HHLA1: variants seen among roughly 807,000 people sequenced by gnomAD.
The protein encoded by HHLA1 is HHLA1 neighbor of OC90.
In HHLA1, 72 loss-of-function variants were observed where a neutral mutation model predicts 69.9. That is an observed-to-expected ratio of 1.03 (90% CI 0.85 to 1.25). The LOEUF is 1.25. Among genes scored for constraint, HHLA1 ranks in the 50% most tolerant of loss-of-function variants. HHLA1 has a pLI of 0.00. For missense variants in HHLA1, 685 were observed against 642.2 expected, an observed-to-expected ratio of 1.07 and a Z score of -0.72; for synonymous variants, 252 against 233.2, an observed-to-expected ratio of 1.08 and a Z score of -0.73.
chr8:132,064,000 C>G lies in HHLA1; in HGVS notation c.1591G>C (p.Val531Leu), dbSNP rs542728390. ...CTAGTGTTATTTTCAAGGCCTCACA[C>G]AGACTTGCAGATATTCTCAAGGCAC... ...QKCLENICKS[V>L] The change falls in exon 17 of 17, where the codon GTG becomes CTG. Residue 531 changes from valine (V) to leucine (L), a missense_variant. Physicochemically the swap from Val to Leu is conservative, Grantham distance 32. Transcript: ENST00000414222. The G allele has an allele frequency of 1.5e-5, 20 of 1,301,902 alleles. No homozygotes were observed. The South Asian group carries it at 2.4e-4, about 15-fold the overall frequency. The allele number at this position is 1,301,902 out of a possible 1,614,324, so 80.6% of individuals were successfully genotyped here.
At chr8:132,078,134 T>C (rs1013246132) in intron 11 of HHLA1, among the ~76,000 whole-genome samples, 163 bp from the exon 12 acceptor site, 1 of 151,404 alleles carries the variant, frequency 6.6e-6, no homozygotes, top group Non-Finnish European at 1.5e-5. Context: ...CTGAAATAAA[T>C]GGACCAAAGT....
chr8:132,095,430 T>C (rs1436385731), intron 7 of HHLA1, 89 bp downstream of exon 7: 2 of 781,872 alleles, frequency 2.6e-6, no homozygotes, highest in African/African-American at 3.5e-5. Context: ...CATATTTTCC[T>C]GTCTTACATT....
At chr8:132,079,525 T>C (rs1235448089) in intron 11 of HHLA1, among the ~76,000 whole-genome samples, 193 bp downstream of exon 11, 4 of 152,218 alleles carry the variant, frequency 2.6e-5, no homozygotes, top group Non-Finnish European at 5.9e-5. Context: ...ATTATGTCAA[T>C]GGCATTTTCT....
At chr8:132,096,842 C>T (rs183853555) in intron 5 of HHLA1, among the ~76,000 whole-genome samples, 6 of 152,254 alleles carry the variant, frequency 3.9e-5, no homozygotes, top group Admixed American at 3.9e-4. Flanking sequence ...CAGGGTCTTG[C>T]TCTGTCACTC....
At chr8:132,064,251 T>C (rs1823400523) in intron 16 of HHLA1, among the ~76,000 whole-genome samples, 1 of 152,188 alleles carries the variant, frequency 6.6e-6, no homozygotes, top group African/African-American at 2.4e-5. Flanking sequence ...CAAAGTCTAG[T>C]GAGGAGCAGC....
chr8:132,075,702 C>A (rs1360711766), intron 14 of HHLA1, among the ~76,000 whole-genome samples: 1 of 152,176 alleles, frequency 6.6e-6, no homozygotes, highest in Non-Finnish European at 1.5e-5. Flanking sequence ...AGCATGCTAC[C>A]CAATAGACAT....
intron 7 of HHLA1, among the ~76,000 whole-genome samples, chr8:132,092,921 C>T (rs1823967990): frequency 1.3e-5 from 2 of 152,188 alleles, no homozygotes; most frequent in Admixed American, 1.3e-4. Flanking sequence ...GGAGCCTGGG[C>T]CCCAAAACCA....
chr8:132,083,448 T>C (rs950186862), intron 10 of HHLA1, among the ~76,000 whole-genome samples: 19 of 151,820 alleles, frequency 1.3e-4, no homozygotes, highest in Non-Finnish European at 2.4e-4. Context: ...ACCCGAAGCT[T>C]GGCGTCCGTG....
intron 7 of HHLA1, among the ~76,000 whole-genome samples, chr8:132,089,832 A>G (rs1823919788): frequency 6.6e-6 from 1 of 152,186 alleles, no homozygotes; most frequent in Admixed American, 6.5e-5. Context: ...TTCTTCTATC[A>G]TCCTCTCTCC....
At chr8:132,077,133 G>T (rs77208332) in intron 12 of HHLA1, among the ~76,000 whole-genome samples, 5 of 152,094 alleles carry the variant, frequency 3.3e-5, no homozygotes, top group Non-Finnish European at 5.9e-5. Context: ...GGCAAGTTCC[G>T]TCATATGGAT....
In HHLA1 at chr8:132,063,828, G is replaced by C. The variant is rs2130871623; in HGVS notation, c.*167C>G. Reference sequence around the variant, plus strand: ...CTTCAATGTTTTGCACAGATTCACAGGAGAGGGAAAAAAAATGCTACTTCC... The same window carrying C: ...CTTCAATGTTTTGCACAGATTCACACGAGAGGGAAAAAAAATGCTACTTCC... On this transcript the variant is annotated 3_prime_UTR_variant, in exon 17 of 17. Coordinates refer to ENST00000414222, the MANE Select transcript of HHLA1 (RefSeq NM_001145095.3). 1 of 262,344 alleles carries C rather than the reference G, an allele frequency of 3.8e-6. No individual in the cohort carries two copies. The highest frequency in any genetic ancestry group is 8.0e-6 in the Non-Finnish European group (1 of 125,180). 16.3% of individuals were successfully genotyped at this position (262,344 alleles called of 1,614,324 possible). A position where few individuals can be genotyped will look rare whatever the true frequency, so the allele number is the denominator to read the frequency against.
chr8:132,078,035 A>G (rs1823677686), intron 11 of HHLA1, 64 bp from the exon 12 acceptor site: 1 of 1,517,850 alleles, frequency 6.6e-7, no homozygotes. Flanking sequence ...TCAGACATGA[A>G]ATTGCTGAGA....
chr8:132,077,789 A>G lies in HHLA1; in HGVS notation c.1108T>C (p.Leu370=), dbSNP rs1823670613. Residue 370 remains leucine, a synonymous_variant, in exon 12 of 17, where the codon TTG becomes CTG. Coordinates refer to ENST00000414222, the MANE Select transcript of HHLA1 (RefSeq NM_001145095.3). Reference sequence around the variant, plus strand: ...GCCATTATCTCAGCAGCAGGCGCCAAAAGGCTTGTAGTGTTCATGGCTTCC... The same window carrying G: ...GCCATTATCTCAGCAGCAGGCGCCAGAAGGCTTGTAGTGTTCATGGCTTCC... ...TEEAMNTTSL[L]APAAEIMATP... The G allele has an allele frequency of 6.4e-7, 1 of 1,551,544 alleles. No homozygotes were observed. Among genetic ancestry groups the G allele is most frequent in the African/African-American group, 1.4e-5 (1 of 73,042 alleles).
In HHLA1 at chr8:132,063,260, T is replaced by C. The variant is rs567519385; in HGVS notation, c.*735A>G. 5 of 152,356 alleles carry C rather than the reference T, an allele frequency of 3.3e-5. No homozygotes were observed. In the East Asian group the frequency reaches 9.6e-4, roughly 29 times the overall value. 9.4% of individuals were successfully genotyped at this position (152,356 alleles called of 1,614,324 possible). On this transcript the variant is annotated 3_prime_UTR_variant, in exon 17 of 17. Coordinates refer to ENST00000414222, the MANE Select transcript of HHLA1 (RefSeq NM_001145095.3). The stretch of plus-strand genomic sequence containing the variant: ...TCCTTTTGTTGTAATAAATGCTAAA[T>C]GTGCATATAACAGTTTTCCCTACCT...
chr8:132,077,985 G>T lies in HHLA1; in HGVS notation c.926-14C>A. Reference sequence around the variant, plus strand: ...CCCTCCTGGTAGCTGCACATTCAAAGTGACAGTAACAGGGTACAGACATGC... The same window carrying T: ...CCCTCCTGGTAGCTGCACATTCAAATTGACAGTAACAGGGTACAGACATGC... On this transcript the variant is annotated splice_polypyrimidine_tract_variant and intron_variant, in intron 11 of 16. Coordinates refer to ENST00000414222, the MANE Select transcript of HHLA1 (RefSeq NM_001145095.3). 3 of 1,551,506 alleles carry T rather than the reference G, an allele frequency of 1.9e-6. No homozygotes were observed. Among genetic ancestry groups the T allele is most frequent in the African/African-American group, 1.4e-5 (1 of 73,162 alleles).
chr8:132,075,152 G>A (rs547016124), intron 14 of HHLA1, among the ~76,000 whole-genome samples: 1 of 152,290 alleles, frequency 6.6e-6, no homozygotes, highest in South Asian at 2.1e-4. Flanking sequence ...GTGTCTGAAA[G>A]GTTCATTCAC....
chr8:132,091,270 A>G (rs1455210027), intron 7 of HHLA1, among the ~76,000 whole-genome samples: 2 of 152,184 alleles, frequency 1.3e-5, no homozygotes, highest in East Asian at 3.9e-4. Flanking sequence ...AGACCAATAA[A>G]ATGCAACTTG....
rs1439639802 is a variant in HHLA1, at chr8:132,098,958, C to G, written c.204G>C (p.Leu68=). 2 of 1,548,498 alleles carry G rather than the reference C, an allele frequency of 1.3e-6. No homozygotes were observed. Among genetic ancestry groups the G allele is most frequent in the Non-Finnish European group, 1.7e-6 (2 of 1,145,070 alleles). Residue 68 remains leucine (L), a synonymous_variant, in exon 5 of 17, where the codon CTG becomes CTC. Coordinates refer to ENST00000414222, the MANE Select transcript of HHLA1 (RefSeq NM_001145095.3). ...CGGACAGATCGATTGACCTTGCGGGCAGCTCTGAAAGAGATTCAGAGATAA... is the reference window on the plus strand; with the variant it reads ...CGGACAGATCGATTGACCTTGCGGGGAGCTCTGAAAGAGATTCAGAGATAA... ...KGVAFLATTE[L]PARSIDLSAL...
chr8:132,079,099 G>A (rs1823695228), intron 11 of HHLA1, among the ~76,000 whole-genome samples: 1 of 152,148 alleles, frequency 6.6e-6, no homozygotes. Context: ...TTTCCAAATA[G>A]GAAAAATAAG....
Sources: allele counts gnomAD v4.1 joint callset (sites outside exome capture counted in the v4.1 genomes callset), GRCh38; gene constraint gnomAD v4.1.1; transcripts MANE v1.5; gene names NCBI Gene and HGNC (gene_info 2026-07-23, HGNC 2026-07-21).